The following CEP350 variants were observed in gnomAD, a reference collection of about 807,000 sequenced individuals.
The protein encoded by CEP350 is centrosomal protein 350.
A neutral mutation model predicts 331.8 loss-of-function variants in CEP350; 126 were observed. The observed-to-expected ratio is 0.38, with a 90% CI of 0.33 to 0.44. The LOEUF (loss-of-function observed/expected upper bound fraction) is 0.44. CEP350 is among the 20% of genes least tolerant of loss of function. CEP350 has a pLI of 1.00. For missense variants in CEP350, 3,406 were observed against 3,634.6 expected, an observed-to-expected ratio of 0.94 and a Z score of 1.62; for synonymous variants, 1,200 against 1,259.5, an observed-to-expected ratio of 0.95 and a Z score of 1.00.
chr1:180,108,684 AAC>A (rs1461534980), intron 37 of CEP350, among the ~76,000 whole-genome samples: 1 of 152,216 alleles, frequency 6.6e-6, no homozygotes, highest in Non-Finnish European at 1.5e-5. Flanking sequence ...ATAAGAGAGG[AAC>A]ACCAATTCCA....
chr1:179,973,089 G>T (rs913547957), intron 1 of CEP350, among the ~76,000 whole-genome samples: 3 of 151,944 alleles, frequency 2.0e-5, no homozygotes, highest in African/African-American at 4.8e-5. Flanking sequence ...GGATGGTCTT[G>T]ATCTCCTGAC....
At chr1:180,050,111 C>T (rs1295415135) in intron 22 of CEP350, among the ~76,000 whole-genome samples, 2 of 152,180 alleles carry the variant, frequency 1.3e-5, no homozygotes, top group African/African-American at 4.8e-5. Context: ...AGAAACCAAA[C>T]CCTTAACCTC....
In CEP350 at chr1:180,053,186, T is replaced by C; in HGVS notation, c.4989+20T>C. 1 of 1,414,424 alleles carries C rather than the reference T, an allele frequency of 7.1e-7. No homozygotes were observed. The highest frequency in any genetic ancestry group is 9.6e-7 in the Non-Finnish European group (1 of 1,046,426). The allele number at this position is 1,414,424 out of a possible 1,614,324, so 87.6% of individuals were successfully genotyped here. ...GCCAAGGTGTGTTTCACTTTATCTG[T>C]GGAGGTAAATGGTTGTGGATATGTT... is the stretch of plus-strand genomic sequence containing the variant. On this transcript the variant is annotated intron_variant, in intron 23 of 37. Coordinates refer to ENST00000367607, the MANE Select transcript of CEP350 (RefSeq NM_014810.5).
At chr1:180,018,857 CTTTTTTTT>C in intron 11 of CEP350, among the ~76,000 whole-genome samples, 1 of 142,104 alleles carries the variant, frequency 7.0e-6, no homozygotes, top group East Asian at 2.0e-4. Flanking sequence ...CTCTTTCTTT[CTTTTTTTT>C]TTTTTTTTTC....
At chr1:180,075,693 G>A (rs1385466838) in intron 28 of CEP350, among the ~76,000 whole-genome samples, 4 of 152,164 alleles carry the variant, frequency 2.6e-5, no homozygotes, top group South Asian at 2.1e-4. Context: ...GGTGGCTCAT[G>A]CCTGTAATCT....
Position 179,955,054 on chromosome 1 carries a change from C to CG in CEP350, c.-102_-101insG. 7.1e-7 allele frequency: 1 copy of CG among 1,405,112 alleles called. No individual in the cohort carries two copies. Among genetic ancestry groups the CG allele is most frequent in the East Asian group, 3.0e-5 (1 of 33,094 alleles). The allele number at this position is 1,405,112 out of a possible 1,614,324, so 87.0% of individuals were successfully genotyped here. On this transcript the variant is annotated 5_prime_UTR_variant, in exon 1 of 38. Coordinates refer to ENST00000367607, the MANE Select transcript of CEP350 (RefSeq NM_014810.5). ...AGCGGGGAGGCCAGGCCGGGCAGCC[C>CG]TGGGGCCGGTCGGGGCGGCGTCACT...
chr1:180,089,810 T>C (rs547598463), intron 32 of CEP350, among the ~76,000 whole-genome samples: 2 of 152,152 alleles, frequency 1.3e-5, no homozygotes, highest in South Asian at 2.1e-4. Flanking sequence ...GTTAGAAATA[T>C]GAGGAGGATA....
intron 8 of CEP350, among the ~76,000 whole-genome samples, chr1:180,011,125 G>A (rs1309343542): frequency 6.6e-6 from 1 of 150,880 alleles, no homozygotes; most frequent in Non-Finnish European, 1.5e-5. Context: ...ACATTTTTTT[G>A]AATTTTTATG....
chr1:180,009,490 A>G (rs1654481471), intron 8 of CEP350, among the ~76,000 whole-genome samples: 1 of 152,210 alleles, frequency 6.6e-6, no homozygotes, highest in Non-Finnish European at 1.5e-5. Flanking sequence ...TGAGCTAGAT[A>G]GAGAGTCATT....
At chr1:180,090,927 A>G (rs1660157673) in intron 33 of CEP350, 131 bp downstream of exon 33, 1 of 749,164 alleles carries the variant, frequency 1.3e-6, no homozygotes. Flanking sequence ...TTAACATTTT[A>G]AAGTTACTTT....
chr1:180,041,805 A>G lies in CEP350; in HGVS notation c.4362+3A>G, dbSNP rs1486969478. 1 of 1,611,002 alleles carries G rather than the reference A, an allele frequency of 6.2e-7. No homozygotes were observed. The highest frequency in any genetic ancestry group is 8.5e-7 in the Non-Finnish European group (1 of 1,178,514). On this transcript the variant is annotated splice_donor_region_variant and intron_variant, in intron 19 of 37. Transcript: ENST00000367607. ...ACGCAGCACGTCAAATCTGTGAGGT[A>G]GGTGCCACTGAGAACACTTCTCTTT...
rs1655256835 is a variant in CEP350, at chr1:180,020,510, T to G, written c.2736T>G (p.Gly912=). 6.2e-7 allele frequency: 1 copy of G among 1,613,894 alleles called. No homozygotes were observed. Among genetic ancestry groups the G allele is most frequent in the African/African-American group, 1.3e-5 (1 of 74,916 alleles). ...CAACTTTTGATGATGATCTTCCTGG[T>G]GTAGGCAATCTTAGTGAATTTAAAA... is the stretch of plus-strand genomic sequence containing the variant. ...SHATFDDDLP[G]VGNLSEFKKL... Residue 912 remains glycine (G), a synonymous_variant, in exon 12 of 38, where the codon GGT becomes GGG. Transcript: ENST00000367607.
intron 27 of CEP350, among the ~76,000 whole-genome samples, 162 bp downstream of exon 27, chr1:180,065,434 G>T (rs966605286): frequency 1.3e-5 from 2 of 152,102 alleles, no homozygotes; most frequent in Admixed American, 6.6e-5. Context: ...CCAATTAACT[G>T]TAGATCTTAT....
intron 31 of CEP350, chr1:180,087,093 C>A (rs1553265459): frequency 1.3e-5 from 2 of 151,298 alleles, no homozygotes; most frequent in Non-Finnish European, 3.0e-5. Context: ...AACCAGGAAA[C>A]TTTTTTTTTG....
chr1:180,006,418 A>G (rs186971485), intron 7 of CEP350, 36 bp from the exon 8 acceptor site: 21 of 1,018,296 alleles, frequency 2.1e-5, no homozygotes, highest in Non-Finnish European at 3.0e-5. Context: ...AATGAAAATC[A>G]TTGTTATATT....
At position 179,986,245 on chromosome 1, in the gene CEP350, A is replaced by G. The variant is rs1404174904; in HGVS notation, c.64A>G (p.Thr22Ala). Residue 22 changes from threonine to alanine, a missense_variant, in exon 2 of 38, where the codon ACT becomes GCT. Around this residue, in one of 5 missense-constraint regions of CEP350, gnomAD observed 1,857 missense variants for 1,909.2 expected, o/e 0.97. Transcript: ENST00000367607. ...PNPRNSQSKD[T>A]VQADITTSWD... The stretch of plus-strand genomic sequence containing the variant: ...TCCAAGGAACTCTCAAAGCAAGGAT[A>G]CTGTTCAAGGTATGATTTTGTTTTT... 4 of 1,550,362 alleles carry G rather than the reference A, an allele frequency of 2.6e-6. No individual in the cohort carries two copies. The highest frequency in any genetic ancestry group is 2.4e-5 in the East Asian group (1 of 40,876).
In CEP350 at chr1:180,098,931, G is replaced by T; in HGVS notation, c.9135G>T (p.Trp3045Cys). Reference sequence around the variant, plus strand: ...AGGAGCCAAACCACAAAACAGATTGGCAGAAAATGATGAAATTTGGAAGAA... The same window carrying T: ...AGGAGCCAAACCACAAAACAGATTGTCAGAAAATGATGAAATTTGGAAGAA... ...LKKEPNHKTD[W>C]QKMMKFGRKK... Residue 3045 changes from tryptophan (W) to cysteine (C), a missense_variant, in exon 37 of 38, where the codon TGG (tryptophan) becomes TGT (cysteine). Trp to Cys is a radical substitution (Grantham distance 215). Coordinates refer to ENST00000367607, the MANE Select transcript of CEP350 (RefSeq NM_014810.5). The T allele has an allele frequency of 6.2e-7, 1 of 1,613,638 alleles. No individual in the cohort carries two copies. Among genetic ancestry groups the T allele is most frequent in the Non-Finnish European group, 8.5e-7 (1 of 1,179,730 alleles).
chr1:179,971,309 G>A (rs1284043752), intron 1 of CEP350, among the ~76,000 whole-genome samples: 3 of 152,100 alleles, frequency 2.0e-5, no homozygotes, highest in East Asian at 1.9e-4. Context: ...GATTATAGGC[G>A]TGAGCCACTG....
At chr1:179,982,969 T>G (rs540666928) in intron 1 of CEP350, among the ~76,000 whole-genome samples, 155 of 151,994 alleles carry the variant, frequency 1.0e-3, no homozygotes, top group African/African-American at 3.6e-3. Context: ...TTTTGTATTT[T>G]TAGTAGAGAC....
Sources: allele counts gnomAD v4.1 joint callset (sites outside exome capture counted in the v4.1 genomes callset), GRCh38; gene constraint gnomAD v4.1.1; regional missense constraint gnomAD v4.1.1; transcripts MANE v1.5; gene names NCBI Gene and HGNC (gene_info 2026-07-23, HGNC 2026-07-21).